LPA: variants seen among roughly 807,000 people sequenced by gnomAD.
LPA encodes apolipoprotein(a).
In LPA, 199 loss-of-function variants were observed where a neutral mutation model predicts 197.9. That is an observed-to-expected ratio of 1.01 (90% CI 0.90 to 1.13). LPA has a LOEUF of 1.13. LPA is among the 50% of genes most tolerant of loss of function. LPA has a pLI of 0.00. For missense variants in LPA, 1,853 were observed against 1,785.8 expected (o/e 1.04, Z -0.68); for synonymous variants, 715 against 639.5 (o/e 1.12, Z -1.78).
At chr6:160,564,154 T>C (rs1317367789) in intron 28 of LPA, among the ~76,000 whole-genome samples, 2 of 152,198 alleles carry the variant, frequency 1.3e-5, no homozygotes, top group African/African-American at 2.4e-5. Context: ...AGTTTCTTTA[T>C]AGTGTTGATG....
intron 2 of LPA, among the ~76,000 whole-genome samples, chr6:160,650,113 C>T (rs1010587517): frequency 5.9e-5 from 9 of 152,150 alleles, no homozygotes; most frequent in African/African-American, 2.2e-4. Context: ...GTGGCCTCAC[C>T]ACCGCCAGAT....
At chr6:160,597,312 C>T (rs1050506911) in intron 20 of LPA, among the ~76,000 whole-genome samples, 1 of 152,212 alleles carries the variant, frequency 6.6e-6, no homozygotes, top group Non-Finnish European at 1.5e-5. Context: ...ATCTATTTCT[C>T]TCTTCAGTTG....
intron 28 of LPA, among the ~76,000 whole-genome samples, chr6:160,575,726 C>T (rs1778642650): frequency 1.3e-5 from 2 of 152,182 alleles, no homozygotes; most frequent in East Asian, 1.9e-4. Flanking sequence ...GCTTTGTGAG[C>T]TCTGCCATCT....
At chr6:160,610,556 C>T (rs1779475587) in intron 16 of LPA, among the ~76,000 whole-genome samples, 1 of 152,168 alleles carries the variant, frequency 6.6e-6, no homozygotes, top group African/African-American at 2.4e-5. Flanking sequence ...TTCTTTGCCA[C>T]ACTTTCTGTA....
intron 17 of LPA, among the ~76,000 whole-genome samples, chr6:160,606,031 C>T (rs1354005297): frequency 6.6e-6 from 1 of 152,140 alleles, no homozygotes; most frequent in African/African-American, 2.4e-5. Context: ...TAATGCAACC[C>T]TGTTAGCCCT....
At chr6:160,576,292 C>T (rs1778657148) in intron 28 of LPA, among the ~76,000 whole-genome samples, 1 of 142,586 alleles carries the variant, frequency 7.0e-6, no homozygotes, top group African/African-American at 2.6e-5. Flanking sequence ...ACTGGTGCTT[C>T]AGGCCCAGTG....
At chr6:160,569,470 T>C (rs1005610626) in intron 28 of LPA, among the ~76,000 whole-genome samples, 2 of 150,252 alleles carry the variant, frequency 1.3e-5, no homozygotes, top group African/African-American at 2.4e-5. Flanking sequence ...ACACCTTATA[T>C]AAAAATTAAT....
At position 160,650,320 on chromosome 6, in the gene LPA, G is replaced by T. The variant is rs778900479; in HGVS notation, c.209+18C>A. On this transcript the variant is annotated intron_variant, in intron 2 of 38. Coordinates refer to ENST00000316300, the MANE Select transcript of LPA (RefSeq NM_005577.4). ...TTACTTGGACCTTGTTTTGCTTACT[G>T]TAAGATTAATGACATACGCATTTGG... 3 of 1,612,166 alleles carry T rather than the reference G, an allele frequency of 1.9e-6. No individual in the cohort carries two copies. The African/African-American group carries it at 4.0e-5, about 21-fold the overall frequency.
chr6:160,605,203 G>A lies in LPA; in HGVS notation c.2788C>T (p.Pro930Ser). Residue 930 changes from proline to serine, a missense_variant and splice_region_variant, in exon 18 of 39, where the codon CCA becomes TCA. Physicochemically the swap from Pro to Ser is moderately conservative, Grantham distance 74. Around this residue, in one of 3 missense-constraint regions of LPA, gnomAD observed 1,737 missense variants for 1,504.4 expected, o/e 1.15. Transcript: ENST00000316300. ...TGCACCCCAGGCCTTTGCTCAGTTG[G>A]TGCTGAAATGAAAAGAAAAGAAATC... ...PSLEAPSEQA[P>S]TEQRPGVQEC... 6.2e-7 allele frequency: 1 copy of A among 1,613,494 alleles called. No individual in the cohort carries two copies. Among genetic ancestry groups the A allele is most frequent in the Non-Finnish European group, 8.5e-7 (1 of 1,179,830 alleles).
At chr6:160,657,154 G>A (rs190143607) in intron 1 of LPA, among the ~76,000 whole-genome samples, 53 of 152,224 alleles carry the variant, frequency 3.5e-4, no homozygotes, top group African/African-American at 1.4e-4. Context: ...GCAATTACGG[G>A]CTCTTCAAAA....
Position 160,546,489 on chromosome 6 carries a change from G to A in LPA, c.5305-956C>T, listed in dbSNP as rs193027016. 3.6e-3 allele frequency among the ~76,000 whole-genome samples: 554 copies of A among 152,242 alleles called. 2 individuals are homozygous for A. The highest frequency in any genetic ancestry group is 6.6e-3 in the Non-Finnish European group (449 of 68,010). On this transcript the variant is annotated intron_variant, in intron 32 of 38. Coordinates refer to ENST00000316300, the MANE Select transcript of LPA (RefSeq NM_005577.4). Reference sequence around the variant, plus strand: ...ATAAATGGGTAAATAAAAGTAACGTGTTTCCCTGAGTTCTGTGAGCCACTC... The same window carrying A: ...ATAAATGGGTAAATAAAAGTAACGTATTTCCCTGAGTTCTGTGAGCCACTC...
intron 28 of LPA, among the ~76,000 whole-genome samples, chr6:160,560,467 T>C (rs1778341850): frequency 6.6e-6 from 1 of 152,230 alleles, no homozygotes; most frequent in Admixed American, 6.5e-5. Flanking sequence ...TTTCCTGACT[T>C]TTTAATGATC....
chr6:160,560,335 T>A (rs762471664), intron 28 of LPA, among the ~76,000 whole-genome samples: 22 of 152,228 alleles, frequency 1.4e-4, no homozygotes, highest in Non-Finnish European at 2.1e-4. Context: ...AAATGGTACT[T>A]CTGGTTCTAG....
chr6:160,559,344 T>G (rs1778324134), intron 28 of LPA, among the ~76,000 whole-genome samples: 1 of 152,246 alleles, frequency 6.6e-6, no homozygotes, highest in Non-Finnish European at 1.5e-5. Flanking sequence ...ATCCATGCTA[T>G]TTAAGATACT....
intron 26 of LPA, among the ~76,000 whole-genome samples, 161 bp from the exon 27 acceptor site, chr6:160,578,865 C>T (rs564005933): frequency 2.0e-5 from 3 of 152,312 alleles, no homozygotes; most frequent in South Asian, 4.1e-4. Context: ...TCTTCAGCTT[C>T]AACTTTTAAA....
rs1190747664 is a variant in LPA, at chr6:160,577,157, G to C, written c.4610C>G (p.Thr1537Ser). 6.2e-7 allele frequency: 1 copy of C among 1,613,778 alleles called. No individual in the cohort carries two copies. The highest frequency in any genetic ancestry group is 8.5e-7 in the Non-Finnish European group (1 of 1,179,806). ...ATACGCATTTGGGTAGTTTTCTGGGGTCCTCTGATGCCAGTGTGGTATCAT... is the reference window on the plus strand; with the variant it reads ...ATACGCATTTGGGTAGTTTTCTGGGCTCCTCTGATGCCAGTGTGGTATCAT... Reference protein sequence around the residue: ...SSMIPHWHQRTPENYPNAGLT... With the variant: ...SSMIPHWHQRSPENYPNAGLT... Residue 1537 changes from threonine (T) to serine (S), a missense_variant, in exon 28 of 39, where the codon ACC (threonine) becomes AGC (serine). This residue lies in a region of LPA where 1,737 missense variants were observed against 1,504.4 expected (regional missense o/e 1.15). Transcript: ENST00000316300.
At chr6:160,545,386 T>C (rs1778050553) in intron 33 of LPA, 54 bp downstream of exon 33, 17 of 1,316,466 alleles carry the variant, frequency 1.3e-5, no homozygotes, top group Non-Finnish European at 1.1e-6. Context: ...GCTTTTTTTT[T>C]TCCAAATCCA....
chr6:160,574,529 A>G (rs1333518190), intron 28 of LPA, among the ~76,000 whole-genome samples: 1 of 152,084 alleles, frequency 6.6e-6, no homozygotes, highest in Non-Finnish European at 1.5e-5. Context: ...CTGTGGTGCC[A>G]GGCAGGAATG....
At chr6:160,537,492 G>A (rs1036000823) in intron 37 of LPA, among the ~76,000 whole-genome samples, 15 of 152,114 alleles carry the variant, frequency 9.9e-5, no homozygotes, top group African/African-American at 3.1e-4. Context: ...CTTAACTTGA[G>A]GGCTGGGTCA....
Sources: allele counts gnomAD v4.1 joint callset (sites outside exome capture counted in the v4.1 genomes callset), GRCh38; gene constraint gnomAD v4.1.1; regional missense constraint gnomAD v4.1.1; transcripts MANE v1.5; gene names NCBI Gene and HGNC (gene_info 2026-07-23, HGNC 2026-07-21).